Variants in NTN3 observed in about 807,000 individuals in gnomAD.
The protein encoded by NTN3 is netrin 3, also known as netrin-3.
A neutral mutation model predicts 37.2 loss-of-function variants in NTN3; 44 were observed. The observed-to-expected ratio is 1.18, with a 90% CI of 0.93 to 1.52. The LOEUF is 1.52. Among genes scored for constraint, NTN3 ranks in the 40% most tolerant of loss-of-function variants. NTN3 has a pLI of 0.00. For missense variants in NTN3, 882 were observed against 857.3 expected (o/e 1.03, Z -0.36); for synonymous variants, 385 against 376.0 (o/e 1.02, Z -0.28).
Position 2,471,451 on chromosome 16 carries a change from A to C in NTN3, c.-251A>C. 5.9e-6 allele frequency: 2 copies of C among 337,374 alleles called. No homozygotes were observed. Among genetic ancestry groups the C allele is most frequent in the Non-Finnish European group, 5.3e-6 (1 of 187,566 alleles). 20.9% of individuals were successfully genotyped at this position (337,374 alleles called of 1,614,324 possible). On this transcript the variant is annotated 5_prime_UTR_variant, in exon 1 of 6. Transcript: ENST00000293973. ...CGGCGGGTGGGGCCTCCGCGGGCGG[A>C]GGCACCGGGAGCGGGGGCGACGCCT...
At chr16:2,473,364 GA>G in intron 4 of NTN3, 46 bp downstream of exon 4, 1 of 1,612,566 alleles carries the variant, frequency 6.2e-7, no homozygotes, top group South Asian at 1.1e-5. Context: ...GACTTTGGGG[GA>G]GGGGGCTCTG....
In NTN3 at chr16:2,472,376, A is replaced by G; in HGVS notation, c.675A>G (p.Thr225=). ...CCACCGACGTCCGTGTAGTGCTCACAAGGCCTAGCACGGCAGGTGACCCCA... is the reference window on the plus strand; with the variant it reads ...CCACCGACGTCCGTGTAGTGCTCACGAGGCCTAGCACGGCAGGTGACCCCA... ...VTATDVRVVL[T]RPSTAGDPRD... Residue 225 remains threonine (T), a synonymous_variant, in exon 1 of 6, where the codon ACA becomes ACG. Coordinates refer to ENST00000293973, the MANE Select transcript of NTN3 (RefSeq NM_006181.3). 1 of 1,612,660 alleles carries G rather than the reference A, an allele frequency of 6.2e-7. No individual in the cohort carries two copies. The highest frequency in any genetic ancestry group is 2.2e-5 in the East Asian group (1 of 44,874).
rs1293873812 is a variant in NTN3, at chr16:2,473,448, A to C, written c.1338A>C (p.Lys446Asn). 1.9e-6 allele frequency: 3 copies of C among 1,612,850 alleles called. No homozygotes were observed. In the Admixed American group the frequency reaches 5.0e-5, roughly 27 times the overall value. The change falls in exon 5 of 6, where the codon AAA (lysine) becomes AAC (asparagine). Residue 446 changes from lysine (K) to asparagine (N), a missense_variant. Physicochemically the swap from Lys to Asn is moderately conservative, Grantham distance 94. Transcript: ENST00000293973. Reference protein sequence around the residue: ...VQPQDCDSHCKPARGSYRISL... With the variant: ...VQPQDCDSHCNPARGSYRISL... ...ACCCAGACTGTGACTCGCACTGCAA[A>C]CCTGCCCGTGGCAGCTACCGCATCA... is the stretch of plus-strand genomic sequence containing the variant.
rs773375140 is a variant in NTN3, at chr16:2,472,581, G to T, written c.880G>T (p.Asp294Tyr). Residue 294 changes from aspartate to tyrosine, a missense_variant, in exon 1 of 6, where the codon GAC (aspartate) becomes TAC (tyrosine). By Grantham distance (160) the Asp-to-Tyr change is radical. Transcript: ENST00000293973. The stretch of plus-strand genomic sequence containing the variant: ...CGGCCGCTGCAAGCCCTTCTACTGC[G>T]ACAGGCCATGGCAGCGGGCCACTGC... ...DCGRCKPFYC[D>Y]RPWQRATARE... The T allele has an allele frequency of 1.4e-5, 23 of 1,600,572 alleles. No homozygotes were observed. Among genetic ancestry groups the T allele is most frequent in the Non-Finnish European group, 2.0e-5 (23 of 1,174,184 alleles).
rs1172567816 is a variant in NTN3 at position 2,474,039 on chromosome 16, C to T, written c.1677C>T (p.Asp559=). 8.3e-7 allele frequency: 1 copy of T among 1,203,710 alleles called. No homozygotes were observed. Among genetic ancestry groups the T allele is most frequent in the Non-Finnish European group, 1.0e-6 (1 of 969,838 alleles). The allele number at this position is 1,203,710 out of a possible 1,614,324, so 74.6% of individuals were successfully genotyped here. Residue 559 remains aspartate (D), a synonymous_variant, in exon 6 of 6, where the codon GAC becomes GAT. Coordinates refer to ENST00000293973, the MANE Select transcript of NTN3 (RefSeq NM_006181.3). ...GAAGCCTCGTGCTACCCTGGAGGGA[C>T]GCGTGGACGCGGCGCCTGCGGAGGC... ...ARGSLVLPWR[D]AWTRRLRRLQ...
rs768537029 is a variant in NTN3 at position 2,472,571 on chromosome 16, C to A, written c.870C>A (p.Pro290=). The part of the protein sequence containing the change: ...TEGPDCGRCK[P]FYCDRPWQRA... ...GCCCTGACTGCGGCCGCTGCAAGCC[C>A]TTCTACTGCGACAGGCCATGGCAGC... Residue 290 remains proline (P), a synonymous_variant, in exon 1 of 6, where the codon CCC becomes CCA. Coordinates refer to ENST00000293973, the MANE Select transcript of NTN3 (RefSeq NM_006181.3). 7 of 1,602,350 alleles carry A rather than the reference C, an allele frequency of 4.4e-6. No homozygotes were observed. The South Asian group carries it at 7.7e-5, about 18-fold the overall frequency.
chr16:2,473,636 C>A, intron 5 of NTN3, 120 bp from the exon 6 acceptor site: 1 of 1,245,396 alleles, frequency 8.0e-7, no homozygotes, highest in Non-Finnish European at 1.1e-6. Flanking sequence ...CTCAGGTCCT[C>A]CACGGGCAGC....
chr16:2,473,577 C>G, intron 5 of NTN3, 74 bp downstream of exon 5: 1 of 1,479,968 alleles, frequency 6.8e-7, no homozygotes, highest in Non-Finnish European at 9.4e-7. Context: ...CGCCAGCTTC[C>G]CCTTGGAACG....
At chr16:2,472,960 A>G (rs1222149724) in intron 2 of NTN3, 25 bp from the exon 3 acceptor site, 2 of 1,586,628 alleles carry the variant, frequency 1.3e-6, no homozygotes, top group Non-Finnish European at 1.7e-6. Context: ...GCTTCTGACC[A>G]GGCCCTTCCC....
At position 2,473,478 on chromosome 16, in the gene NTN3, A is replaced by G. The variant is rs201956619; in HGVS notation, c.1368A>G (p.Leu456=). Reference sequence around the variant, plus strand: ...CCCGTGGCAGCTACCGCATCAGCCTAAAGAAGTTCTGCAAGAAGGACTATG... The same window carrying G: ...CCCGTGGCAGCTACCGCATCAGCCTGAAGAAGTTCTGCAAGAAGGACTATG... ...KPARGSYRIS[L]KKFCKKDYAV... is the part of the protein sequence containing the mutation. The change falls in exon 5 of 6, where the codon CTA becomes CTG. Residue 456 remains leucine, a synonymous_variant. Coordinates refer to ENST00000293973, the MANE Select transcript of NTN3 (RefSeq NM_006181.3). 3.3e-5 allele frequency: 53 copies of G among 1,612,964 alleles called. No individual in the cohort carries two copies. The highest frequency in any genetic ancestry group is 4.5e-5 in the Non-Finnish European group (53 of 1,179,932).
chr16:2,473,978 C>CG lies in NTN3; in HGVS notation c.1622dup (p.Arg542ProfsTer?). On this transcript the variant is annotated frameshift_variant, in exon 6 of 6. Coordinates refer to ENST00000293973, the MANE Select transcript of NTN3 (RefSeq NM_006181.3). LOFTEE classifies it low-confidence loss of function (END_TRUNC). Reference sequence around the variant, plus strand: ...GGGCCTGGAGCCGCGGCTGGGGGCGCGGGGGGCCGGGGGCCCGGGCTCATC... The same window carrying CG: ...GGGCCTGGAGCCGCGGCTGGGGGCGCGGGGGGGCCGGGGGCCCGGGCTCATC... 1.7e-6 allele frequency: 2 copies of CG among 1,161,604 alleles called. No homozygotes were observed. Among genetic ancestry groups the CG allele is most frequent in the Non-Finnish European group, 2.1e-6 (2 of 943,500 alleles). 72.0% of individuals were successfully genotyped at this position (1,161,604 alleles called of 1,614,324 possible).
intron 4 of NTN3, 30 bp from the exon 5 acceptor site, chr16:2,473,399 G>T: frequency 6.2e-7 from 1 of 1,612,694 alleles, no homozygotes; most frequent in Non-Finnish European, 8.5e-7. Flanking sequence ...GGGAAAGGGA[G>T]TCTGTGCCAG....
In NTN3 at chr16:2,474,022, G is replaced by C; in HGVS notation, c.1660G>C (p.Val554Leu). ...PGLIAARGSL[V>L]LPWRDAWTRR... ...GCTCATCGCCGCCCGCGGAAGCCTCGTGCTACCCTGGAGGGACGCGTGGAC... is the reference window on the plus strand; with the variant it reads ...GCTCATCGCCGCCCGCGGAAGCCTCCTGCTACCCTGGAGGGACGCGTGGAC... The change falls in exon 6 of 6, where the codon GTG becomes CTG. Residue 554 changes from valine to leucine, a missense_variant. Coordinates refer to ENST00000293973, the MANE Select transcript of NTN3 (RefSeq NM_006181.3). The C allele has an allele frequency of 8.4e-7, 1 of 1,197,348 alleles. No homozygotes were observed. Among genetic ancestry groups the C allele is most frequent in the Non-Finnish European group, 1.0e-6 (1 of 965,752 alleles). The allele number at this position is 1,197,348 out of a possible 1,614,324, so 74.2% of individuals were successfully genotyped here.
chr16:2,472,523 C>A lies in NTN3; in HGVS notation c.822C>A (p.Cys274Ter), dbSNP rs762012923. 1.2e-6 allele frequency: 2 copies of A among 1,607,378 alleles called. No homozygotes were observed. The highest frequency in any genetic ancestry group is 8.5e-7 in the Non-Finnish European group (1 of 1,178,762). Residue 274 changes from cysteine (C) to a stop codon, truncating the protein, a stop_gained, in exon 1 of 6, where the codon TGC becomes TGA. Coordinates refer to ENST00000293973, the MANE Select transcript of NTN3 (RefSeq NM_006181.3). LOFTEE classifies it high-confidence loss of function. ...CLLDTQGHLI[C>*]DCRHGTEGPD... ...TGGACACACAGGGCCACCTGATCTG[C>A]GACTGTCGGCATGGCACCGAGGGCC...
chr16:2,471,360 C>A lies in NTN3; in HGVS notation c.-342C>A. 1 of 192,778 alleles carries A rather than the reference C, an allele frequency of 5.2e-6. No individual in the cohort carries two copies. The highest frequency in any genetic ancestry group is 1.1e-5 in the Non-Finnish European group (1 of 94,968). 11.9% of individuals were successfully genotyped at this position (192,778 alleles called of 1,614,324 possible). The stretch of plus-strand genomic sequence containing the variant: ...CGGCCCGTGCACCGCAGGCCCCGCC[C>A]GCCCACGGCCCTTCCCGGGAGGCCG... On this transcript the variant is annotated 5_prime_UTR_variant, in exon 1 of 6. Transcript: ENST00000293973.
At position 2,474,096 on chromosome 16, in the gene NTN3, C is replaced by T. The variant is rs2065542389; in HGVS notation, c.1734C>T (p.Ser578=). ...GACGCGAACGGCGGGGGCGCTGCAG[C>T]GCCGCCTGAGCCCGCCGGCTGGGCA... The part of the protein sequence containing the change: ...LQRRERRGRC[S]AA The change falls in exon 6 of 6, where the codon AGC becomes AGT. Residue 578 remains serine, a synonymous_variant. Transcript: ENST00000293973. The T allele has an allele frequency of 2.5e-6, 3 of 1,207,060 alleles. No individual in the cohort carries two copies. The highest frequency in any genetic ancestry group is 3.4e-5 in the East Asian group (1 of 29,636). 74.8% of individuals were successfully genotyped at this position (1,207,060 alleles called of 1,614,324 possible). A position where few individuals can be genotyped will look rare whatever the true frequency, so the allele number is the denominator to read the frequency against.
chr16:2,473,475 C>T lies in NTN3; in HGVS notation c.1365C>T (p.Ser455=), dbSNP rs750119690. The change falls in exon 5 of 6, where the codon AGC becomes AGT. Residue 455 remains serine, a synonymous_variant. Transcript: ENST00000293973. ...CKPARGSYRI[S]LKKFCKKDYA... ...CTGCCCGTGGCAGCTACCGCATCAG[C>T]CTAAAGAAGTTCTGCAAGAAGGACT... is the stretch of plus-strand genomic sequence containing the variant. 5.6e-6 allele frequency: 9 copies of T among 1,612,904 alleles called. No homozygotes were observed. In the African/African-American group the frequency reaches 1.1e-4, roughly 19 times the overall value.
intron 5 of NTN3, 100 bp from the exon 6 acceptor site, chr16:2,473,656 C>A: frequency 7.9e-7 from 1 of 1,267,046 alleles, no homozygotes; most frequent in Non-Finnish European, 1.1e-6. Context: ...CGACCCCGCC[C>A]CTTCAGCCCC....
chr16:2,472,908 C>CT lies in NTN3; in HGVS notation c.1117+19_1117+20insT. 6.3e-7 allele frequency: 1 copy of CT among 1,583,168 alleles called. No homozygotes were observed. Among genetic ancestry groups the CT allele is most frequent in the South Asian group, 1.1e-5 (1 of 88,830 alleles). On this transcript the variant is annotated intron_variant, in intron 2 of 5. Transcript: ENST00000293973. ...TGCAGGGGTGAGCCACCACCGGCCA[C>CT]CTGCAGGCCCTCACCCTCTGACTTC...
Sources: allele counts gnomAD v4.1 joint callset, GRCh38; gene constraint gnomAD v4.1.1; transcripts MANE v1.5; gene names NCBI Gene and HGNC (gene_info 2026-07-23, HGNC 2026-07-21).